Variants in MSI2 observed in about 807,000 individuals in gnomAD.
MSI2 encodes RNA-binding protein Musashi homolog 2.
A neutral mutation model predicts 45.6 loss-of-function variants in MSI2; 17 were observed. The observed-to-expected ratio is 0.37, with a 90% CI of 0.26 to 0.56. The LOEUF is 0.56. Ranked by LOEUF, MSI2 falls within the 20% of genes least tolerant of loss-of-function variation. The pLI, the probability that MSI2 is intolerant of heterozygous loss-of-function variation, is 0.77. For missense variants in MSI2, 293 were observed against 444.2 expected, an observed-to-expected ratio of 0.66 and a Z score of 3.06; for synonymous variants, 156 against 158.2, an observed-to-expected ratio of 0.99 and a Z score of 0.11.
chr17:57,647,460 AAAGT>A (rs1305751951), intron 10 of MSI2, among the ~76,000 whole-genome samples: 2 of 150,266 alleles, frequency 1.3e-5, no homozygotes, highest in African/African-American at 4.9e-5. Flanking sequence ...AAAAAAAAAA[AAAGT>A]AAAGGAAAAA....
intron 5 of MSI2, among the ~76,000 whole-genome samples, chr17:57,395,827 T>C (rs1301313319): frequency 6.6e-6 from 1 of 152,202 alleles, no homozygotes; most frequent in African/African-American, 2.4e-5. Flanking sequence ...GATGGGGTAA[T>C]AGACAGAGCC....
At chr17:57,488,947 AGT>A (rs1567854122) in intron 6 of MSI2, among the ~76,000 whole-genome samples, 1 of 152,154 alleles carries the variant, frequency 6.6e-6, no homozygotes, top group African/African-American at 2.4e-5. Context: ...CCTTCCCATG[AGT>A]GTCTCTCGGT....
rs140598640 is a variant in MSI2 at position 57,491,668 on chromosome 17, A to G, written c.406-38008A>G. ...ATGTGGGGAGTTGGGGTAGAGACCA[A>G]TGGCTGCCAATGCTCACTTCCAATT... On this transcript the variant is annotated intron_variant, in intron 6 of 13. Coordinates refer to ENST00000284073, the MANE Select transcript of MSI2 (RefSeq NM_138962.4). Among the ~76,000 whole-genome samples the G allele has an allele frequency of 1.4e-4, 22 of 152,292 alleles. 1 individual carries two copies. Among genetic ancestry groups the G allele is most frequent in the Admixed American group, 1.1e-3 (17 of 15,302 alleles).
At chr17:57,342,087 T>G (rs1477597339) in intron 5 of MSI2, among the ~76,000 whole-genome samples, 1 of 152,226 alleles carries the variant, frequency 6.6e-6, no homozygotes, top group Non-Finnish European at 1.5e-5. Flanking sequence ...TAGATCCTAT[T>G]GCATCTACTG....
chr17:57,633,485 G>C (rs1287215962), intron 10 of MSI2, among the ~76,000 whole-genome samples: 2 of 152,216 alleles, frequency 1.3e-5, no homozygotes, highest in African/African-American at 4.8e-5. Context: ...CACACATCTG[G>C]AGCCCCTCAC....
chr17:57,564,271 C>T lies in MSI2; in HGVS notation c.455-32597C>T, dbSNP rs535964069. ...ACTGGCCCAGGACAGCCCAGAAGGTCGCCTTGTAATCAGGCATCACGTGAC... is the reference window on the plus strand; with the variant it reads ...ACTGGCCCAGGACAGCCCAGAAGGTTGCCTTGTAATCAGGCATCACGTGAC... On this transcript the variant is annotated intron_variant, in intron 7 of 13. Coordinates refer to ENST00000284073, the MANE Select transcript of MSI2 (RefSeq NM_138962.4). Among the ~76,000 whole-genome samples, 431 of 152,320 alleles carry T rather than the reference C, an allele frequency of 2.8e-3. 3 individuals carry two copies. Among genetic ancestry groups the T allele is most frequent in the African/African-American group, 9.9e-3 (412 of 41,566 alleles).
At chr17:57,286,950 T>C (rs748062733) in intron 5 of MSI2, among the ~76,000 whole-genome samples, 1 of 152,060 alleles carries the variant, frequency 6.6e-6, no homozygotes, top group Non-Finnish European at 1.5e-5. Flanking sequence ...CAGAGTGTGA[T>C]GCCCAGAAAC....
chr17:57,634,167 G>C (rs1004349268), intron 10 of MSI2, among the ~76,000 whole-genome samples: 4 of 152,196 alleles, frequency 2.6e-5, no homozygotes, highest in Admixed American at 1.3e-4. Flanking sequence ...CACTTCACTA[G>C]AGAGAGGGAA....
At chr17:57,396,491 G>C (rs2083892966) in intron 5 of MSI2, among the ~76,000 whole-genome samples, 1 of 151,712 alleles carries the variant, frequency 6.6e-6, no homozygotes, top group Admixed American at 6.6e-5. Context: ...CATTCCTAGT[G>C]ACCGTTTCTG....
intron 5 of MSI2, among the ~76,000 whole-genome samples, chr17:57,348,009 C>T (rs1647329490): frequency 6.6e-6 from 1 of 152,206 alleles, no homozygotes. Flanking sequence ...GTGCACGGTG[C>T]CCTTGTGCTG....
chr17:57,440,702 C>G (rs1406483791), intron 6 of MSI2: 3 of 152,374 alleles, frequency 2.0e-5, no homozygotes, highest in African/African-American at 7.2e-5. Flanking sequence ...TTATGTGCCC[C>G]TGTGCATGGG....
chr17:57,313,712 G>A (rs559702696), intron 5 of MSI2, among the ~76,000 whole-genome samples: 15 of 152,284 alleles, frequency 9.9e-5, no homozygotes, highest in African/African-American at 2.4e-4. Context: ...AGTTCGGTCC[G>A]GTTCATGTTT....
intron 7 of MSI2, among the ~76,000 whole-genome samples, chr17:57,549,829 T>C (rs143544520): frequency 1.3e-5 from 2 of 152,342 alleles, no homozygotes; most frequent in Non-Finnish European, 2.9e-5. Context: ...GCATCAGTAG[T>C]TGGCAGAGAT....
chr17:57,651,346 G>T (rs994472307), intron 10 of MSI2, among the ~76,000 whole-genome samples: 1 of 151,978 alleles, frequency 6.6e-6, no homozygotes, highest in African/African-American at 2.4e-5. Flanking sequence ...GGCTCAGACC[G>T]AAGAGCCACA....
At chr17:57,476,024 A>G (rs1167411862) in intron 6 of MSI2, among the ~76,000 whole-genome samples, 1 of 152,154 alleles carries the variant, frequency 6.6e-6, no homozygotes, top group Non-Finnish European at 1.5e-5. Flanking sequence ...TAGCCTTTAA[A>G]ATTGTTTTAT....
chr17:57,414,075 G>A (rs1334983619), intron 6 of MSI2, among the ~76,000 whole-genome samples: 1 of 149,850 alleles, frequency 6.7e-6, no homozygotes, highest in African/African-American at 2.5e-5. Context: ...AAGCAAGCAA[G>A]GAAATAATAA....
At chr17:57,692,911 T>A in the MSI2 span, among the ~76,000 whole-genome samples, 1 of 151,736 alleles carries the variant, frequency 6.6e-6, no homozygotes, top group Non-Finnish European at 1.5e-5. Flanking sequence ...TTTTTTTTTT[T>A]TCTCTTTGTT....
intron 5 of MSI2, among the ~76,000 whole-genome samples, chr17:57,301,373 T>C (rs772115178): frequency 2.0e-5 from 3 of 152,198 alleles, no homozygotes; most frequent in African/African-American, 2.4e-5. Flanking sequence ...CTGAGTTTAG[T>C]TGAATTTTCC....
At chr17:57,559,855 C>T (rs1223467127) in intron 7 of MSI2, among the ~76,000 whole-genome samples, 2 of 152,372 alleles carry the variant, frequency 1.3e-5, no homozygotes, top group Non-Finnish European at 2.9e-5. Flanking sequence ...CACAGGCTGC[C>T]CCGTGCCCCT....
Sources: gnomAD v4.1 joint callset for allele counts (sites outside exome capture counted in the v4.1 genomes callset) on GRCh38, gnomAD v4.1.1 for gene constraint, MANE v1.5 for transcripts, NCBI Gene and HGNC (gene_info 2026-07-23, HGNC 2026-07-21) for gene names.